Variants in RBFOX1 observed in about 807,000 individuals in gnomAD.
RBFOX1 encodes RNA binding fox-1 homolog 1.
Under a neutral mutation model 57.7 loss-of-function variants are expected in RBFOX1, and 8 were observed. The observed-to-expected ratio is 0.14, with a 90% confidence interval of 0.08 to 0.25. The LOEUF (loss-of-function observed/expected upper bound fraction) is 0.25. Among genes scored for constraint, RBFOX1 ranks in the 10% least tolerant of loss-of-function variants. The pLI, the probability that RBFOX1 is intolerant of heterozygous loss-of-function variation, is 1.00. For synonymous variants in RBFOX1, 326 were observed against 222.4 expected, an observed-to-expected ratio of 1.47 and a Z score of -4.15; for missense variants, 611 against 548.5, an observed-to-expected ratio of 1.11 and a Z score of -1.14.
chr16:5,529,833 G>T (rs1316029867), intron 2 of RBFOX1, among the ~76,000 whole-genome samples: 1 of 152,112 alleles, frequency 6.6e-6, no homozygotes, highest in African/African-American at 2.4e-5. Context: ...TTCCCAAAGT[G>T]CTGGAATTAC....
intron 1 of RBFOX1, among the ~76,000 whole-genome samples, chr16:6,050,017 G>A (rs1054586989): frequency 2.0e-5 from 3 of 150,954 alleles, no homozygotes; most frequent in East Asian, 1.9e-4. Context: ...GTACAGCGGC[G>A]TGATCTCAAA....
intron 3 of RBFOX1, among the ~76,000 whole-genome samples, chr16:6,670,078 G>T (rs1434793807): frequency 6.6e-6 from 1 of 152,160 alleles, no homozygotes. Flanking sequence ...TTGGAGTGCA[G>T]TGGTATGATC....
chr16:5,609,632 A>T (rs1269665518), intron 3 of RBFOX1, among the ~76,000 whole-genome samples: 1 of 152,216 alleles, frequency 6.6e-6, no homozygotes, highest in Non-Finnish European at 1.5e-5. Context: ...TGTGACCTGC[A>T]TCCAAACCCT....
intron 4 of RBFOX1, among the ~76,000 whole-genome samples, chr16:5,880,454 A>T (rs887221835): frequency 6.6e-5 from 10 of 152,236 alleles, no homozygotes; most frequent in Non-Finnish European, 8.8e-5. Context: ...AAGTTTGTGC[A>T]GAATTTATTA....
In RBFOX1 at chr16:5,724,389, G is replaced by C. The variant is rs181705584; in HGVS notation, c.318+125428G>C. The stretch of plus-strand genomic sequence containing the variant: ...CTGTGAGAGCATTCAGGAGCTGCAG[G>C]TGATGGGCCTCATTTGGTCAAACTG... On this transcript the variant is annotated intron_variant, in intron 3 of 19. Transcript: ENST00000641259. 9.9e-4 allele frequency among the ~76,000 whole-genome samples: 150 copies of C among 152,250 alleles called. 1 individual carries two copies. Among genetic ancestry groups the C allele is most frequent in the Admixed American group, 9.6e-3 (147 of 15,294 alleles).
chr16:5,596,302 A>T (rs961155709), intron 2 of RBFOX1, among the ~76,000 whole-genome samples: 9 of 152,122 alleles, frequency 5.9e-5, no homozygotes, highest in Non-Finnish European at 8.8e-5. Context: ...TTTTCTTCCA[A>T]TCAGCTTCCC....
At chr16:7,484,956 A>G (rs1457617295) in intron 4 of RBFOX1, among the ~76,000 whole-genome samples, 3 of 152,152 alleles carry the variant, frequency 2.0e-5, no homozygotes, top group African/African-American at 7.2e-5. Flanking sequence ...GTTGTTCAAA[A>G]CTATTGAGGA....
At chr16:5,959,054 C>T (rs151191219) in intron 4 of RBFOX1, among the ~76,000 whole-genome samples, 23 of 152,306 alleles carry the variant, frequency 1.5e-4, no homozygotes, top group Non-Finnish European at 2.4e-4. Flanking sequence ...CTGACCACAC[C>T]AGGTAAAACT....
At chr16:5,401,872 G>A (rs541728462) in intron 1 of RBFOX1, among the ~76,000 whole-genome samples, 6 of 151,214 alleles carry the variant, frequency 4.0e-5, no homozygotes, top group South Asian at 2.1e-4. Flanking sequence ...CATCGTCGTC[G>A]TCATTTCTGT....
chr16:6,468,437 C>A (rs2095100813), intron 2 of RBFOX1, among the ~76,000 whole-genome samples: 1 of 152,098 alleles, frequency 6.6e-6, no homozygotes. Context: ...ACAATTATAG[C>A]TTAGGACATT....
intron 4 of RBFOX1, among the ~76,000 whole-genome samples, chr16:7,343,685 A>G (rs1040106368): frequency 6.6e-6 from 1 of 152,132 alleles, no homozygotes; most frequent in Non-Finnish European, 1.5e-5. Context: ...TTAGGGAGGA[A>G]AAAACAGGCA....
intron 2 of RBFOX1, among the ~76,000 whole-genome samples, chr16:5,521,074 C>G (rs1408582869): frequency 2.0e-5 from 3 of 152,228 alleles, no homozygotes; most frequent in Non-Finnish European, 2.9e-5. Flanking sequence ...GAACCAGCCC[C>G]TAACCTCTGG....
At chr16:5,834,455 T>A (rs1288804280) in intron 3 of RBFOX1, among the ~76,000 whole-genome samples, 6 of 152,214 alleles carry the variant, frequency 3.9e-5, no homozygotes, top group Non-Finnish European at 8.8e-5. Context: ...GGCTGAGTAG[T>A]ATTCCATGGC....
chr16:7,184,661 C>T (rs186081017), intron 4 of RBFOX1, among the ~76,000 whole-genome samples: 1 of 141,284 alleles, frequency 7.1e-6, no homozygotes, highest in African/African-American at 2.9e-5. Context: ...CATGGGTATA[C>T]CTAAACAGTT....
intron 3 of RBFOX1, among the ~76,000 whole-genome samples, chr16:7,010,889 C>T (rs1011280395): frequency 7.2e-5 from 11 of 152,160 alleles, no homozygotes; most frequent in African/African-American, 2.4e-4. Flanking sequence ...CATCTCTTTT[C>T]TTGAGCAGAA....
rs1003550956 is a variant in RBFOX1, at chr16:6,606,783, G to A, written c.-63-47820G>A. On this transcript the variant is annotated intron_variant, in intron 2 of 15. Coordinates refer to ENST00000550418, the MANE Select transcript of RBFOX1 (RefSeq NM_018723.4). ...TGATGGGCATTTTGGTTGACTCCAC[G>A]TCTTTGCTACAGTGAATAGTGCTGC... 6.6e-5 allele frequency among the ~76,000 whole-genome samples: 10 copies of A among 152,072 alleles called. No homozygotes were observed. The East Asian group carries it at 7.7e-4, about 12-fold the overall frequency.
chr16:5,956,761 T>A (rs1033249192), intron 4 of RBFOX1, among the ~76,000 whole-genome samples: 2 of 147,790 alleles, frequency 1.4e-5, no homozygotes, highest in African/African-American at 5.0e-5. Context: ...CTAGACCTCC[T>A]GGGGCTCAGA....
At position 6,920,010 on chromosome 16, in the gene RBFOX1, C is replaced by G. The variant is rs1026025005; in HGVS notation, c.-15-132047C>G. On this transcript the variant is annotated intron_variant, in intron 3 of 15. Coordinates refer to ENST00000550418, the MANE Select transcript of RBFOX1 (RefSeq NM_018723.4). ...CTTTGCATCCTCAAAGCTTAGCTCT[C>G]CCTTATAAGACGGAAAATATGATAT... Among the ~76,000 whole-genome samples, 3 of 152,046 alleles carry G rather than the reference C, an allele frequency of 2.0e-5. No individual in the cohort carries two copies. The South Asian group carries it at 6.2e-4, about 32-fold the overall frequency.
intron 2 of RBFOX1, among the ~76,000 whole-genome samples, chr16:6,406,347 AGAT>A (rs35819360): frequency 0.43 from 65,372 of 151,758 alleles, 14,852 homozygotes; most frequent in Non-Finnish European, 0.5. Flanking sequence ...TCTCCATAGA[AGAT>A]GTTAGACATG....
Sources: allele counts gnomAD v4.1 joint callset (sites outside exome capture counted in the v4.1 genomes callset), GRCh38; gene constraint gnomAD v4.1.1; transcripts MANE v1.5; gene names NCBI Gene and HGNC (gene_info 2026-07-23, HGNC 2026-07-21).